Variants in DNHD1 observed in about 807,000 individuals in gnomAD.
The protein encoded by DNHD1 is dynein heavy chain domain 1.
DNHD1 carries 383 observed loss-of-function variants against 458.1 expected under a neutral mutation model. The observed-to-expected ratio is 0.84, with a 90% CI of 0.77 to 0.91. The LOEUF (loss-of-function observed/expected upper bound fraction) is 0.91. DNHD1 is among the 40% of genes least tolerant of loss of function. The probability of loss-of-function intolerance (pLI) is 0.00; values close to 1 mark genes in which losing one functional copy is unlikely to be tolerated. For synonymous variants in DNHD1, 2,203 were observed against 2,376.9 expected (o/e 0.93, Z 2.13); for missense variants, 5,336 against 5,866.1 (o/e 0.91, Z 2.95).
chr11:6,520,178 C>T (rs1852577114), intron 9 of DNHD1, 60 bp from the exon 10 acceptor site: 14 of 1,605,394 alleles, frequency 8.7e-6, no homozygotes. Context: ...AGCTCACAAC[C>T]TGGTTTGAAT....
At position 6,519,652 on chromosome 11, in the gene DNHD1, A is replaced by C; in HGVS notation, c.1445A>C (p.Asn482Thr). 6.2e-7 allele frequency: 1 copy of C among 1,614,158 alleles called. No individual in the cohort carries two copies. Among genetic ancestry groups the C allele is most frequent in the Non-Finnish European group, 8.5e-7 (1 of 1,180,018 alleles). ...CAGTGCCTACAGGAGCGAGTACAAA[A>C]CTGTGACAGGATCAGGACAGGCCAA... ...MQQCLQERVQNCDRIRTGQGS... is the reference protein window; with the variant it reads ...MQQCLQERVQTCDRIRTGQGS... The change falls in exon 8 of 43, where the codon AAC becomes ACC. Residue 482 changes from asparagine to threonine, a missense_variant. Asn to Thr is a moderately conservative substitution (Grantham distance 65). Transcript: ENST00000254579.
intron 10 of DNHD1, among the ~76,000 whole-genome samples, chr11:6,525,891 AT>A (rs1203962598): frequency 1.3e-5 from 2 of 151,940 alleles, no homozygotes; most frequent in Non-Finnish European, 2.9e-5. Flanking sequence ...AAATCTAGTT[AT>A]TTTTGTTAGA....
intron 7 of DNHD1, among the ~76,000 whole-genome samples, chr11:6,516,179 A>C (rs924241052): frequency 1.3e-5 from 2 of 151,404 alleles, no homozygotes; most frequent in Non-Finnish European, 2.9e-5. Context: ...AGATTTGTTC[A>C]TTTCTGCTTG....
chr11:6,571,113 C>G lies in DNHD1; in HGVS notation c.13601C>G (p.Pro4534Arg). The change falls in exon 42 of 43, where the codon CCC (proline) becomes CGC (arginine). Residue 4534 changes from proline (P) to arginine (R), a missense_variant. Physicochemically the swap from Pro to Arg is moderately radical, Grantham distance 103. Around this residue, in one of 4 missense-constraint regions of DNHD1, gnomAD observed 698 missense variants for 664.9 expected, o/e 1.05. Transcript: ENST00000254579. This position sits in a 1 kb window ranked among gnomAD's most constrained non-coding sequence, Gnocchi z 5.0. ...VAHALWTGRL[P>R]LPWRPHAPAG... Reference sequence around the variant, plus strand: ...CACGCTCTCTGGACTGGCCGCCTACCCTTGCCTTGGCGACCTCATGCGCCG... The same window carrying G: ...CACGCTCTCTGGACTGGCCGCCTACGCTTGCCTTGGCGACCTCATGCGCCG... 1 of 1,599,960 alleles carries G rather than the reference C, an allele frequency of 6.3e-7. No homozygotes were observed. Among genetic ancestry groups the G allele is most frequent in the East Asian group, 2.2e-5 (1 of 44,682 alleles).
Position 6,546,464 on chromosome 11 carries a change from G to A in DNHD1, c.5525G>A (p.Gly1842Asp). ...LRQVAELTLLGAGMRDAFQMA... is the reference protein window; with the variant it reads ...LRQVAELTLLDAGMRDAFQMA... ...CAAGTGGCAGAGCTGACTCTGCTGGGTGCAGGGATGAGGGATGCCTTCCAG... is the reference window on the plus strand; with the variant it reads ...CAAGTGGCAGAGCTGACTCTGCTGGATGCAGGGATGAGGGATGCCTTCCAG... The change falls in exon 21 of 43, where the codon GGT becomes GAT. Residue 1842 changes from glycine to aspartate, a missense_variant. Physicochemically the swap from Gly to Asp is moderately conservative, Grantham distance 94. Around this residue, in one of 4 missense-constraint regions of DNHD1, gnomAD observed 3,932 missense variants for 4,365.6 expected, o/e 0.90. Coordinates refer to ENST00000254579, the MANE Select transcript of DNHD1 (RefSeq NM_144666.3). 1 of 1,550,964 alleles carries A rather than the reference G, an allele frequency of 6.4e-7. No individual in the cohort carries two copies.
chr11:6,563,581 A>G lies in DNHD1; in HGVS notation c.9852+17A>G. 6.4e-7 allele frequency: 1 copy of G among 1,550,810 alleles called. No individual in the cohort carries two copies. Among genetic ancestry groups the G allele is most frequent in the Non-Finnish European group, 8.7e-7 (1 of 1,146,916 alleles). Reference sequence around the variant, plus strand: ...TTTTATCAGGTAGGAAGGGTGGAGCACAATGAAGGAGGATAGGGGAGGCAT... The same window carrying G: ...TTTTATCAGGTAGGAAGGGTGGAGCGCAATGAAGGAGGATAGGGGAGGCAT... On this transcript the variant is annotated intron_variant, in intron 30 of 42. Coordinates refer to ENST00000254579, the MANE Select transcript of DNHD1 (RefSeq NM_144666.3).
chr11:6,509,119 GGAT>G (rs1564995796), intron 5 of DNHD1, 36 bp downstream of exon 5: 3 of 1,613,916 alleles, frequency 1.9e-6, no homozygotes, highest in Admixed American at 1.7e-5. Flanking sequence ...GGGGGGAAAT[GGAT>G]GACAGCAACA....
rs1397411104 is a variant in DNHD1 at position 6,538,717 on chromosome 11, C to T, written c.3232C>T (p.Arg1078Cys). 6.5e-6 allele frequency: 10 copies of T among 1,549,954 alleles called. No homozygotes were observed. Among genetic ancestry groups the T allele is most frequent in the Admixed American group, 2.0e-5 (1 of 50,892 alleles). ...CAGCCCCGTGCTGCAGCACTGCATG[C>T]GCATCCTGGGGGAGTTTCGCAGCTA... ...LHSPVLQHCM[R>C]ILGEFRSYLP... The change falls in exon 16 of 43, where the codon CGC (arginine) becomes TGC (cysteine). Residue 1078 changes from arginine to cysteine, a missense_variant. By Grantham distance (180) the Arg-to-Cys change is radical. Transcript: ENST00000254579.
At position 6,563,457 on chromosome 11, in the gene DNHD1, C is replaced by G; in HGVS notation, c.9745C>G (p.Pro3249Ala). The stretch of plus-strand genomic sequence containing the variant: ...TGAGGAGATACGGAGCTATCGAGCA[C>G]CACCAGAATCTGTGGTCCGGGTAAC... ...DFEEIRSYRA[P>A]PESVVRVTDA... The change falls in exon 30 of 43, where the codon CCA becomes GCA. Residue 3249 changes from proline (P) to alanine (A), a missense_variant. Around this residue, in one of 4 missense-constraint regions of DNHD1, gnomAD observed 3,932 missense variants for 4,365.6 expected, o/e 0.90. Transcript: ENST00000254579. The G allele has an allele frequency of 6.4e-7, 1 of 1,551,678 alleles. No individual in the cohort carries two copies. Among genetic ancestry groups the G allele is most frequent in the Non-Finnish European group, 8.7e-7 (1 of 1,146,976 alleles).
In DNHD1 at chr11:6,497,807, C is replaced by G. The variant is rs1216497324; in HGVS notation, c.-409C>G. 1 of 201,118 alleles carries G rather than the reference C, an allele frequency of 5.0e-6. No individual in the cohort carries two copies. The highest frequency in any genetic ancestry group is 1.0e-5 in the Non-Finnish European group (1 of 98,250). 12.5% of individuals were successfully genotyped at this position (201,118 alleles called of 1,614,324 possible). On this transcript the variant is annotated 5_prime_UTR_variant, in exon 3 of 43. Transcript: ENST00000254579. ...TGAAACCTCATCAGCAGATCGGGCT[C>G]TCTTCCCTTGCCTTGCCTCCTAACC...
At chr11:6,563,280 C>T in intron 29 of DNHD1, 102 bp from the exon 30 acceptor site, 1 of 1,497,008 alleles carries the variant, frequency 6.7e-7, no homozygotes, top group Non-Finnish European at 9.1e-7. Flanking sequence ...TGGGGAGTGG[C>T]CTCTCATGGG....
chr11:6,541,842 ATAG>A (rs1336466040), intron 18 of DNHD1, among the ~76,000 whole-genome samples: 1 of 152,212 alleles, frequency 6.6e-6, no homozygotes, highest in African/African-American at 2.4e-5. Flanking sequence ...GTGAAAAATA[ATAG>A]TGGTCTAGAT....
chr11:6,530,042 C>T (rs1271242416), intron 12 of DNHD1, among the ~76,000 whole-genome samples: 1 of 152,190 alleles, frequency 6.6e-6, no homozygotes, highest in African/African-American at 2.4e-5. Flanking sequence ...TCATCTATAT[C>T]CCCTGCCATT....
intron 14 of DNHD1, among the ~76,000 whole-genome samples, chr11:6,534,547 G>A (rs6578760): frequency 0.97 from 146,966 of 152,212 alleles, 71,153 homozygotes; most frequent in East Asian, 1. Flanking sequence ...AGCAGGCCCC[G>A]AACAAGAGTA....
Position 6,556,722 on chromosome 11 carries a change from G to T in DNHD1, c.7427G>T (p.Arg2476Leu). The T allele has an allele frequency of 6.4e-7, 1 of 1,550,732 alleles. No homozygotes were observed. Among genetic ancestry groups the T allele is most frequent in the Non-Finnish European group, 8.7e-7 (1 of 1,146,264 alleles). Residue 2476 changes from arginine (R) to leucine (L), a missense_variant, in exon 25 of 43, where the codon CGC (arginine) becomes CTC (leucine). This residue lies in a region of DNHD1 where 3,932 missense variants were observed against 4,365.6 expected (regional missense o/e 0.90). Transcript: ENST00000254579. The part of the protein sequence containing the change: ...KSCQPVLETL[R>L]QAMDGTVYAH... ...TGCCAGCCAGTGTTGGAGACTCTGC[G>T]CCAGGCCATGGATGGCACTGTGTAT... is the stretch of plus-strand genomic sequence containing the variant.
intron 10 of DNHD1, among the ~76,000 whole-genome samples, chr11:6,528,081 GA>G (rs1376225415): frequency 4.6e-5 from 7 of 152,318 alleles, no homozygotes; most frequent in African/African-American, 1.7e-4. Context: ...TTAAGAGGGG[GA>G]AAGAGTCAGG....
chr11:6,499,017 T>TGG, intron 3 of DNHD1, 56 bp downstream of exon 3: 1 of 1,514,238 alleles, frequency 6.6e-7, no homozygotes, highest in Non-Finnish European at 8.8e-7. Flanking sequence ...TGCTGTTTTA[T>TGG]GGGTGCCTCT....
In DNHD1 at chr11:6,538,755, C is replaced by T. The variant is rs141248489; in HGVS notation, c.3270C>T (p.Leu1090=). The T allele has an allele frequency of 1.3e-6, 2 of 1,545,252 alleles. No homozygotes were observed. The highest frequency in any genetic ancestry group is 2.7e-5 in the African/African-American group (2 of 72,954). ...AGTTTCGCAGCTACCTGCCCCTGCT[C>T]ACTAAGCTGGGCAGCCTCCACCCAC... The part of the protein sequence containing the change: ...LGEFRSYLPL[L]TKLGSLHPQS... The change falls in exon 16 of 43, where the codon CTC becomes CTT. Residue 1090 remains leucine, a synonymous_variant. Coordinates refer to ENST00000254579, the MANE Select transcript of DNHD1 (RefSeq NM_144666.3).
rs776709469 is a variant in DNHD1 at position 6,571,899 on chromosome 11, C to A, written c.14175C>A (p.Ile4725=). Residue 4725 remains isoleucine, a synonymous_variant, in exon 43 of 43, where the codon ATC becomes ATA. Coordinates refer to ENST00000254579, the MANE Select transcript of DNHD1 (RefSeq NM_144666.3). This position sits in a 1 kb window ranked among gnomAD's most constrained non-coding sequence, Gnocchi z 5.0. ...CCGCTAAGCTGCAGAGCAGGAACAT[C>A]GTGATGCATCTGCCTTTACCCACCA... The part of the protein sequence containing the change: ...LGTAKLQSRN[I]VMHLPLPTKL... 12 of 1,613,944 alleles carry A rather than the reference C, an allele frequency of 7.4e-6. No individual in the cohort carries two copies. The highest frequency in any genetic ancestry group is 5.5e-5 in the South Asian group (5 of 91,094).
Sources: gnomAD v4.1 joint callset for allele counts (sites outside exome capture counted in the v4.1 genomes callset) on GRCh38, gnomAD v4.1.1 for gene constraint, gnomAD v4.1.1 regional missense constraint, Gnocchi (gnomAD v3.1) non-coding constraint, MANE v1.5 for transcripts, NCBI Gene and HGNC (gene_info 2026-07-23, HGNC 2026-07-21) for gene names.